CTNND2: variants seen among roughly 807,000 people sequenced by gnomAD.
The protein encoded by CTNND2 is catenin delta 2.
Under a neutral mutation model 144.4 loss-of-function variants are expected in CTNND2, and 22 were observed. That is an observed-to-expected ratio of 0.15 (90% CI 0.11 to 0.22). The LOEUF (loss-of-function observed/expected upper bound fraction) is 0.22. CTNND2 is among the 10% of genes least tolerant of loss of function. CTNND2 has a pLI of 1.00. For synonymous variants in CTNND2, 751 were observed against 695.6 expected (o/e 1.08, Z -1.25); for missense variants, 1,353 against 1,618.8 (o/e 0.84, Z 2.82).
chr5:11,586,732 A>G (rs1292818291), intron 2 of CTNND2, among the ~76,000 whole-genome samples: 1 of 152,236 alleles, frequency 6.6e-6, no homozygotes, highest in Non-Finnish European at 1.5e-5. Flanking sequence ...GGGCAAATAT[A>G]TATTTTTAAA....
chr5:11,158,027 G>A (rs892727484), intron 12 of CTNND2, among the ~76,000 whole-genome samples: 2 of 152,148 alleles, frequency 1.3e-5, no homozygotes, highest in Non-Finnish European at 2.9e-5. Context: ...CTTTAATAAA[G>A]GTGGTAGCCT....
intron 2 of CTNND2, among the ~76,000 whole-genome samples, chr5:11,710,751 C>T (rs75636407): frequency 0.014 from 2,145 of 152,240 alleles, 27 homozygotes; most frequent in Middle Eastern, 0.037. Context: ...ACAGCAGTTA[C>T]AGCTGAAGGT....
At position 10,972,784 on chromosome 5, in the gene CTNND2, T is replaced by G. The variant is rs537127365; in HGVS notation, c.*669A>C. ...ATATTCCTTTTTTCCTGCTTTTTTT[T>G]TTTTTTGTTAAAACATACTGGGAGA... On this transcript the variant is annotated 3_prime_UTR_variant, in exon 22 of 22. Coordinates refer to ENST00000304623, the MANE Select transcript of CTNND2 (RefSeq NM_001332.4). The G allele has an allele frequency of 6.5e-5, 10 of 152,680 alleles. No individual in the cohort carries two copies. The highest frequency in any genetic ancestry group is 1.9e-4 in the African/African-American group (8 of 41,550). 9.5% of individuals were successfully genotyped at this position (152,680 alleles called of 1,614,324 possible). A position where few individuals can be genotyped will look rare whatever the true frequency, so the allele number is the denominator to read the frequency against.
At chr5:11,523,083 G>A (rs1772903416) in intron 3 of CTNND2, among the ~76,000 whole-genome samples, 2 of 152,130 alleles carry the variant, frequency 1.3e-5, no homozygotes, top group South Asian at 4.1e-4. Context: ...TTCTACAAAA[G>A]TTTCCATAAC....
chr5:11,429,021 A>G (rs1047994523), intron 3 of CTNND2, among the ~76,000 whole-genome samples: 3 of 152,032 alleles, frequency 2.0e-5, no homozygotes, highest in Non-Finnish European at 4.4e-5. Context: ...GGCCTTCCCC[A>G]CCCCTCCCCC....
intron 10 of CTNND2, among the ~76,000 whole-genome samples, chr5:11,207,577 C>T (rs945691399): frequency 3.9e-5 from 6 of 152,042 alleles, no homozygotes; most frequent in African/African-American, 7.2e-5. Flanking sequence ...TCTGATCTTT[C>T]GGCTTTTTTT....
At chr5:11,201,537 C>T (rs989360981) in intron 10 of CTNND2, among the ~76,000 whole-genome samples, 2 of 152,188 alleles carry the variant, frequency 1.3e-5, no homozygotes, top group Non-Finnish European at 1.5e-5. Flanking sequence ...CCGAATATGC[C>T]TACGGGAATT....
chr5:11,673,137 A>G (rs1316876625), intron 2 of CTNND2, among the ~76,000 whole-genome samples: 2 of 152,166 alleles, frequency 1.3e-5, no homozygotes, highest in Non-Finnish European at 2.9e-5. Context: ...GGGTTTTACA[A>G]TCAGAAAATG....
intron 2 of CTNND2, among the ~76,000 whole-genome samples, chr5:11,676,456 C>T (rs1784179432): frequency 1.3e-5 from 2 of 151,816 alleles, no homozygotes; most frequent in African/African-American, 4.8e-5. Context: ...GGTGAAAGTC[C>T]GTGAGTTAAT....
intron 3 of CTNND2, among the ~76,000 whole-genome samples, chr5:11,527,400 C>G (rs946753523): frequency 1.3e-5 from 2 of 152,186 alleles, no homozygotes; most frequent in Admixed American, 1.3e-4. Context: ...CCCACAGTAC[C>G]TCTTTCAAGT....
At chr5:11,217,667 T>C (rs572259074) in intron 10 of CTNND2, among the ~76,000 whole-genome samples, 1 of 152,260 alleles carries the variant, frequency 6.6e-6, no homozygotes, top group Admixed American at 6.5e-5. Context: ...TTTTCCAGGG[T>C]CTAACAGGAA....
intron 2 of CTNND2, among the ~76,000 whole-genome samples, chr5:11,604,645 C>T (rs975708723): frequency 6.6e-6 from 1 of 152,172 alleles, no homozygotes; most frequent in Non-Finnish European, 1.5e-5. Context: ...TTCTTCCTCT[C>T]GCTCCTAGAA....
At chr5:11,802,286 G>A (rs1791731949) in intron 1 of CTNND2, among the ~76,000 whole-genome samples, 1 of 148,258 alleles carries the variant, frequency 6.7e-6, no homozygotes, top group Non-Finnish European at 1.5e-5. Context: ...AAAAAAAAAA[G>A]TCCAAGTGCA....
At chr5:11,485,384 CGCGT>C (rs1320735455) in intron 3 of CTNND2, among the ~76,000 whole-genome samples, 3 of 116,516 alleles carry the variant, frequency 2.6e-5, no homozygotes, top group Non-Finnish European at 5.2e-5. Context: ...TGCGCGCGCG[CGCGT>C]GCGCGCGCAC....
intron 11 of CTNND2, among the ~76,000 whole-genome samples, chr5:11,170,614 T>C (rs896125352): frequency 6.6e-6 from 1 of 151,936 alleles, no homozygotes; most frequent in African/African-American, 2.4e-5. Flanking sequence ...AGCTACAACC[T>C]TCTGTGGGAA....
intron 9 of CTNND2, among the ~76,000 whole-genome samples, chr5:11,256,803 T>G (rs1023742024): frequency 6.6e-6 from 1 of 152,154 alleles, no homozygotes; most frequent in Non-Finnish European, 1.5e-5. Flanking sequence ...GCAACATCAG[T>G]GTACGCCAGG....
At chr5:11,108,184 G>A (rs1473134933) in intron 14 of CTNND2, among the ~76,000 whole-genome samples, 1 of 152,210 alleles carries the variant, frequency 6.6e-6, no homozygotes, top group Non-Finnish European at 1.5e-5. Context: ...TCCAAGTAGT[G>A]AGTGGGGAAA....
In CTNND2 at chr5:11,009,501, T is replaced by C. The variant is rs368824705; in HGVS notation, c.3084+8473A>G. On this transcript the variant is annotated intron_variant, in intron 18 of 21. Coordinates refer to ENST00000304623, the MANE Select transcript of CTNND2 (RefSeq NM_001332.4). ...ATGTGATATCACCCAATCTACTGGA[T>C]CCACCAGAAAACGAGGGAGTAAGTT... Among the ~76,000 whole-genome samples, 5 of 152,292 alleles carry C rather than the reference T, an allele frequency of 3.3e-5. No homozygotes were observed. In the East Asian group the frequency reaches 5.8e-4, roughly 18 times the overall value.
intron 3 of CTNND2, among the ~76,000 whole-genome samples, chr5:11,535,123 G>C (rs1166215952): frequency 1.3e-5 from 2 of 151,548 alleles, no homozygotes; most frequent in Admixed American, 6.6e-5. Context: ...AGGAGGCAGA[G>C]GTTGCAGTGA....
Sources: gnomAD v4.1 joint callset for allele counts (sites outside exome capture counted in the v4.1 genomes callset) on GRCh38, gnomAD v4.1.1 for gene constraint, MANE v1.5 for transcripts, NCBI Gene and HGNC (gene_info 2026-07-23, HGNC 2026-07-21) for gene names.